AATF: variants seen among roughly 807,000 people sequenced by gnomAD.
The protein encoded by AATF is protein AATF.
In AATF, 48 loss-of-function variants were observed where a neutral mutation model predicts 63.7. The ratio of observed to expected loss-of-function variants is 0.75; its 90% CI spans 0.60 to 0.96. The LOEUF is 0.96. Among genes scored for constraint, AATF ranks in the 40% least tolerant of loss-of-function variants. The pLI, the probability that AATF is intolerant of heterozygous loss-of-function variation, is 0.00. For synonymous variants in AATF, 258 were observed against 247.7 expected, an observed-to-expected ratio of 1.04 and a Z score of -0.39; for missense variants, 639 against 685.7, an observed-to-expected ratio of 0.93 and a Z score of 0.76.
intron 11 of AATF, among the ~76,000 whole-genome samples, chr17:37,053,309 A>G (rs939994735): frequency 6.6e-6 from 1 of 152,002 alleles, no homozygotes; most frequent in African/African-American, 2.4e-5. Context: ...ATTATTATAT[A>G]TTGATTATAT....
chr17:36,991,366 A>C (rs919152671), intron 8 of AATF, among the ~76,000 whole-genome samples: 1 of 152,152 alleles, frequency 6.6e-6, no homozygotes, highest in Non-Finnish European at 1.5e-5. Flanking sequence ...TTATAATAAG[A>C]GCATAGTGCT....
intron 11 of AATF, among the ~76,000 whole-genome samples, chr17:37,052,037 G>A (rs914734389): frequency 3.3e-5 from 5 of 152,012 alleles, no homozygotes; most frequent in South Asian, 2.1e-4. Flanking sequence ...TAATTACTCC[G>A]CAGGCTGCTC....
chr17:37,004,559 G>A (rs2142268138), intron 8 of AATF, among the ~76,000 whole-genome samples: 1 of 152,230 alleles, frequency 6.6e-6, no homozygotes, highest in Middle Eastern at 3.4e-3. Flanking sequence ...CAAGTAGGGA[G>A]GGGTTGGTGT....
intron 11 of AATF, among the ~76,000 whole-genome samples, chr17:37,037,443 A>G (rs1040144600): frequency 6.6e-6 from 1 of 152,192 alleles, no homozygotes; most frequent in African/African-American, 2.4e-5. Flanking sequence ...ATCACCAGCA[A>G]GAGCGGGTCA....
intron 8 of AATF, among the ~76,000 whole-genome samples, chr17:36,998,038 A>G (rs528850095): frequency 2.3e-4 from 35 of 152,208 alleles, no homozygotes; most frequent in African/African-American, 7.5e-4. Context: ...ACACAAAGGC[A>G]TAAGAATGAT....
intron 8 of AATF, among the ~76,000 whole-genome samples, chr17:37,013,215 A>G (rs1465979888): frequency 1.3e-5 from 2 of 152,246 alleles, no homozygotes; most frequent in Admixed American, 6.5e-5. Flanking sequence ...AAGCACAGGA[A>G]GATGCTCTGC....
chr17:37,045,824 T>C (rs1329110192), intron 11 of AATF: 1 of 151,732 alleles, frequency 6.6e-6, no homozygotes, highest in Non-Finnish European at 1.5e-5. Context: ...GTGAAACGAG[T>C]GGGAGAGATG....
intron 10 of AATF, among the ~76,000 whole-genome samples, chr17:37,025,986 TC>T (rs2071507982): frequency 6.6e-6 from 1 of 152,204 alleles, no homozygotes; most frequent in Non-Finnish European, 1.5e-5. Context: ...AACCAAGTGT[TC>T]AAGATGAACA....
chr17:36,949,195 C>A lies in AATF; in HGVS notation c.70C>A (p.Pro24Thr). The A allele has an allele frequency of 6.3e-7, 1 of 1,593,338 alleles. No individual in the cohort carries two copies. The highest frequency in any genetic ancestry group is 8.5e-7 in the Non-Finnish European group (1 of 1,171,636). The change falls in exon 1 of 12, where the codon CCT becomes ACT. Residue 24 changes from proline to threonine, a missense_variant. Physicochemically the swap from Pro to Thr is conservative, Grantham distance 38. Coordinates refer to ENST00000619387, the MANE Select transcript of AATF (RefSeq NM_012138.4). Reference protein sequence around the residue: ...LLNPRPSEADPEADPEEATAA... With the variant: ...LLNPRPSEADTEADPEEATAA... ...GAACCCGCGACCAAGCGAGGCGGAC[C>A]CTGAAGCGGACCCCGAGGAAGGTGA...
At chr17:37,025,156 T>G (rs925392856) in intron 10 of AATF, among the ~76,000 whole-genome samples, 25 of 152,082 alleles carry the variant, frequency 1.6e-4, no homozygotes, top group Non-Finnish European at 2.9e-4. Context: ...GGGAACTAGA[T>G]AGGTCTTGGT....
chr17:36,968,266 C>CTTTTTTTTTTTTT lies in AATF; in HGVS notation c.832+14362_832+14363insTTTTTTTTTTTTT, dbSNP rs2071009164. 3.4e-4 allele frequency among the ~76,000 whole-genome samples: 26 copies of CTTTTTTTTTTTTT among 75,572 alleles called. 4 individuals carry two copies. The highest frequency in any genetic ancestry group is 1.3e-3 in the African/African-American group (24 of 18,492). 49.6% of individuals were successfully genotyped at this position (75,572 alleles called of 152,430 possible). A position where few individuals can be genotyped will look rare whatever the true frequency, so the allele number is the denominator to read the frequency against. On this transcript the variant is annotated intron_variant, in intron 4 of 11. Transcript: ENST00000619387. ...CTTTTTTCTTTTTCTTTCTTTCCTTCTTTCTTTTTTTTTTTTTTTTTTTTT... is the reference window on the plus strand; with the variant it reads ...CTTTTTTCTTTTTCTTTCTTTCCTTCTTTTTTTTTTTTTTTTCTTTTTTTTTTTTTTTTTTTTT...
intron 8 of AATF, among the ~76,000 whole-genome samples, chr17:36,997,537 C>T (rs1418656869): frequency 6.6e-6 from 1 of 152,168 alleles, no homozygotes; most frequent in African/African-American, 2.4e-5. Context: ...CCACCTTACT[C>T]CTGCAAGAAT....
intron 10 of AATF, among the ~76,000 whole-genome samples, chr17:37,023,322 C>A (rs982957187): frequency 3.9e-5 from 6 of 152,090 alleles, no homozygotes; most frequent in Middle Eastern, 6.8e-3. Flanking sequence ...AAAGAAAAAA[C>A]CAGGATTTTG....
intron 10 of AATF, among the ~76,000 whole-genome samples, chr17:37,024,655 T>A (rs1258119756): frequency 6.6e-6 from 1 of 152,178 alleles, no homozygotes. Flanking sequence ...TGTCATCACA[T>A]GCACATTTCA....
At chr17:36,987,207 T>C (rs936737257) in intron 5 of AATF, among the ~76,000 whole-genome samples, 1 of 149,902 alleles carries the variant, frequency 6.7e-6, no homozygotes, top group African/African-American at 2.5e-5. Context: ...CCCTATCTGG[T>C]CTCAAACTCC....
chr17:37,044,025 C>G (rs1388392176), intron 11 of AATF, among the ~76,000 whole-genome samples: 1 of 152,094 alleles, frequency 6.6e-6, no homozygotes, highest in Non-Finnish European at 1.5e-5. Context: ...TGTGCAAACC[C>G]CAAAAAAAGT....
At position 37,018,924 on chromosome 17, in the gene AATF, T is replaced by C. The variant is rs566209530; in HGVS notation, c.1399-81T>C. 2.3e-5 allele frequency: 27 copies of C among 1,156,026 alleles called. No homozygotes were observed. In the South Asian group the frequency reaches 3.2e-4, roughly 14 times the overall value. 71.6% of individuals were successfully genotyped at this position (1,156,026 alleles called of 1,614,324 possible). On this transcript the variant is annotated intron_variant, in intron 8 of 11. Coordinates refer to ENST00000619387, the MANE Select transcript of AATF (RefSeq NM_012138.4). Reference sequence around the variant, plus strand: ...AGTTTTAGAGCTGTCACTATGCCATTCAGAATTCCTTCTCTGCCCTTTTAA... The same window carrying C: ...AGTTTTAGAGCTGTCACTATGCCATCCAGAATTCCTTCTCTGCCCTTTTAA...
rs746384146 is a variant in AATF, at chr17:36,953,109, C to T, written c.507C>T (p.Ser169=). ...CCAAGGGAATGGATGACCTTGGGAG[C>T]AGTGAGGAGGAGGAAGACGAAGAGA... ...KFTKGMDDLG[S]SEEEEDEESG... Residue 169 remains serine (S), a synonymous_variant, in exon 3 of 12, where the codon AGC becomes AGT. Transcript: ENST00000619387. The T allele has an allele frequency of 4.3e-6, 7 of 1,613,874 alleles. No individual in the cohort carries two copies. Among genetic ancestry groups the T allele is most frequent in the East Asian group, 2.2e-5 (1 of 44,870 alleles).
intron 8 of AATF, among the ~76,000 whole-genome samples, chr17:36,998,263 A>C (rs1772998518): frequency 6.6e-6 from 1 of 152,250 alleles, no homozygotes; most frequent in Admixed American, 6.5e-5. Flanking sequence ...AGATAAAAAC[A>C]TAATCATTTT....
Sources: gnomAD v4.1 joint callset for allele counts (sites outside exome capture counted in the v4.1 genomes callset) on GRCh38, gnomAD v4.1.1 for gene constraint, MANE v1.5 for transcripts, NCBI Gene and HGNC (gene_info 2026-07-23, HGNC 2026-07-21) for gene names.